Variants in ELMO1 observed in about 807,000 individuals in gnomAD.
ELMO1 encodes engulfment and cell motility protein 1.
A neutral mutation model predicts 98.9 loss-of-function variants in ELMO1; 26 were observed. The ratio of observed to expected loss-of-function variants is 0.26; its 90% CI spans 0.19 to 0.36. The LOEUF is 0.36. ELMO1 is among the 10% of genes least tolerant of loss of function. ELMO1 has a pLI of 1.00. For missense variants in ELMO1, 627 were observed against 935.2 expected (o/e 0.67, Z 4.30); for synonymous variants, 346 against 346.0 (o/e 1.00, Z 0.00).
intron 16 of ELMO1, among the ~76,000 whole-genome samples, chr7:36,913,809 A>G (rs796157143): frequency 3.9e-4 from 60 of 152,318 alleles, no homozygotes; most frequent in African/African-American, 1.3e-3. Context: ...CTGATAACAA[A>G]GCATGTGGTC....
intron 2 of ELMO1, among the ~76,000 whole-genome samples, chr7:37,318,420 T>C (rs1316516342): frequency 6.6e-6 from 1 of 152,112 alleles, no homozygotes; most frequent in African/African-American, 2.4e-5. Context: ...CAAGAAGGTA[T>C]TGTTGAGGTA....
chr7:37,048,831 G>C lies in ELMO1; in HGVS notation c.1301-35396C>G, dbSNP rs531556275. On this transcript the variant is annotated intron_variant, in intron 15 of 21. Transcript: ENST00000310758. ...CCTAGGTACCTGCAGTAACCTATTT[G>C]GATAGTTAAAGTTCAGTTGACTCAG... Among the ~76,000 whole-genome samples the C allele has an allele frequency of 3.3e-5, 5 of 152,226 alleles. No homozygotes were observed. In the South Asian group the frequency reaches 1.0e-3, roughly 32 times the overall value.
intron 1 of ELMO1, among the ~76,000 whole-genome samples, chr7:37,373,539 G>GT (rs1462513663): frequency 6.6e-6 from 1 of 151,756 alleles, no homozygotes; most frequent in African/African-American, 2.4e-5. Context: ...AACCCAGGAG[G>GT]TGGGGGTTGT....
chr7:37,214,210 C>T (rs1414124518), intron 11 of ELMO1, among the ~76,000 whole-genome samples: 2 of 152,144 alleles, frequency 1.3e-5, no homozygotes, highest in Admixed American at 1.3e-4. Flanking sequence ...GACTAACATA[C>T]AGCCTTTTCA....
chr7:36,925,137 G>A (rs1229441322), intron 16 of ELMO1, among the ~76,000 whole-genome samples: 2 of 152,108 alleles, frequency 1.3e-5, no homozygotes, highest in African/African-American at 2.4e-5. Flanking sequence ...AGAAACCTTT[G>A]ACTCCTTGTA....
intron 4 of ELMO1, among the ~76,000 whole-genome samples, chr7:37,302,770 G>C (rs1230908173): frequency 2.0e-5 from 3 of 152,066 alleles, no homozygotes; most frequent in Non-Finnish European, 4.4e-5. Context: ...TTTTGCTTTA[G>C]GTTACTAAAT....
chr7:36,880,605 G>A (rs1456591326), intron 18 of ELMO1, among the ~76,000 whole-genome samples: 1 of 152,152 alleles, frequency 6.6e-6, no homozygotes, highest in Non-Finnish European at 1.5e-5. Flanking sequence ...TCATTAGAAC[G>A]GAAGGTAGAC....
At chr7:37,383,964 C>T (rs370941669) in intron 1 of ELMO1, among the ~76,000 whole-genome samples, 3 of 152,202 alleles carry the variant, frequency 2.0e-5, no homozygotes, top group African/African-American at 4.8e-5. Context: ...TACAAGCGCC[C>T]GCCACCGCGC....
At chr7:37,143,709 C>T (rs1032120297) in intron 13 of ELMO1, among the ~76,000 whole-genome samples, 2 of 82,520 alleles carry the variant, frequency 2.4e-5, no homozygotes, top group African/African-American at 4.4e-5. Flanking sequence ...TGCAGCCGGT[C>T]GATTTTTTTT....
At chr7:37,411,107 C>G (rs1351588003) in intron 1 of ELMO1, among the ~76,000 whole-genome samples, 2 of 152,156 alleles carry the variant, frequency 1.3e-5, no homozygotes, top group African/African-American at 4.8e-5. Context: ...CTCAGAAAAC[C>G]ATTTTAAGAA....
At chr7:37,081,297 TAA>T (rs1262038654) in intron 15 of ELMO1, among the ~76,000 whole-genome samples, 1 of 152,266 alleles carries the variant, frequency 6.6e-6, no homozygotes, top group East Asian at 1.9e-4. Flanking sequence ...ATGCAATTAT[TAA>T]AAGTTTGAAT....
intron 14 of ELMO1, among the ~76,000 whole-genome samples, chr7:37,119,932 T>C (rs1423928986): frequency 6.6e-6 from 1 of 152,262 alleles, no homozygotes; most frequent in Non-Finnish European, 1.5e-5. Context: ...CTCCAGATTG[T>C]ATACATTAAT....
At chr7:37,168,124 A>G (rs1189750631) in intron 13 of ELMO1, among the ~76,000 whole-genome samples, 2 of 151,822 alleles carry the variant, frequency 1.3e-5, no homozygotes, top group Non-Finnish European at 2.9e-5. Context: ...CTTCCAGTTG[A>G]TCGCATTGGC....
intron 8 of ELMO1, among the ~76,000 whole-genome samples, chr7:37,229,370 T>A (rs1014437054): frequency 2.0e-5 from 3 of 152,172 alleles, no homozygotes; most frequent in African/African-American, 7.2e-5. Flanking sequence ...TATATTGGTA[T>A]CAAGGAATTC....
intron 16 of ELMO1, among the ~76,000 whole-genome samples, chr7:36,906,608 A>C (rs1783980303): frequency 6.6e-6 from 1 of 152,174 alleles, no homozygotes; most frequent in Non-Finnish European, 1.5e-5. Context: ...TAACCAGACC[A>C]GTGTCCACCG....
chr7:37,310,720 CAA>C (rs1336795853), intron 4 of ELMO1, among the ~76,000 whole-genome samples: 61 of 152,258 alleles, frequency 4.0e-4, no homozygotes, highest in African/African-American at 1.4e-3. Flanking sequence ...GGGGCTGAGG[CAA>C]TGGTACAGAG....
chr7:36,878,098 C>G lies in ELMO1; in HGVS notation c.1734G>C (p.Arg578=). Residue 578 remains arginine, a synonymous_variant, in exon 19 of 22, where the codon CGG becomes CGC. Transcript: ENST00000310758. ...GCAGGACTTTGTGATTTGGCGAAAGCCGACAATACCAAAACTTGTCTGAGA... is the reference window on the plus strand; with the variant it reads ...GCAGGACTTTGTGATTTGGCGAAAGGCGACAATACCAAAACTTGTCTGAGA... ...RRRQDKFWYC[R]LSPNHKVLHY... 1.2e-6 allele frequency: 2 copies of G among 1,613,912 alleles called. No homozygotes were observed. Among genetic ancestry groups the G allele is most frequent in the Non-Finnish European group, 8.5e-7 (1 of 1,179,864 alleles).
intron 16 of ELMO1, among the ~76,000 whole-genome samples, chr7:36,997,190 C>T (rs1436107039): frequency 6.6e-6 from 1 of 152,054 alleles, no homozygotes; most frequent in Non-Finnish European, 1.5e-5. Context: ...GGTGGCTAAG[C>T]TATGACAGGA....
intron 8 of ELMO1, among the ~76,000 whole-genome samples, chr7:37,231,411 C>T (rs1178528937): frequency 6.6e-6 from 1 of 151,916 alleles, no homozygotes; most frequent in African/African-American, 2.4e-5. Flanking sequence ...GGTAACATCA[C>T]CAGTCAGAGG....
Sources: allele counts gnomAD v4.1 joint callset (sites outside exome capture counted in the v4.1 genomes callset), GRCh38; gene constraint gnomAD v4.1.1; transcripts MANE v1.5; gene names NCBI Gene and HGNC (gene_info 2026-07-23, HGNC 2026-07-21).